Variants in RREB1 observed in about 807,000 individuals in gnomAD.
RREB1 encodes the protein ras responsive element binding protein 1, also known as ras-responsive element-binding protein 1.
Under a neutral mutation model 117.8 loss-of-function variants are expected in RREB1, and 27 were observed. The ratio of observed to expected loss-of-function variants is 0.23; its 90% CI spans 0.17 to 0.32. The LOEUF (loss-of-function observed/expected upper bound fraction) is 0.32. Among genes scored for constraint, RREB1 ranks in the 10% least tolerant of loss-of-function variants. The probability of loss-of-function intolerance (pLI) is 1.00; values close to 1 mark genes in which losing one functional copy is unlikely to be tolerated. For synonymous variants in RREB1, 1,298 were observed against 1,026.7 expected (o/e 1.26, Z -5.05); for missense variants, 2,577 against 2,378.2 (o/e 1.08, Z -1.74).
intron 6 of RREB1, among the ~76,000 whole-genome samples, chr6:7,198,682 A>T (rs929203586): frequency 6.6e-6 from 1 of 152,220 alleles, no homozygotes. Context: ...TGGGTATCAA[A>T]GCAGTTTTCA....
At chr6:7,149,880 G>A (rs1331815665) in intron 1 of RREB1, among the ~76,000 whole-genome samples, 1 of 152,002 alleles carries the variant, frequency 6.6e-6, no homozygotes, top group African/African-American at 2.4e-5. Flanking sequence ...GTAGAGACGG[G>A]GTTTCACCAT....
chr6:7,110,914 T>C (rs968369162), intron 1 of RREB1, among the ~76,000 whole-genome samples: 11 of 152,274 alleles, frequency 7.2e-5, no homozygotes, highest in African/African-American at 2.4e-4. Context: ...AATCAGACTC[T>C]AAGCCCTTAT....
intron 2 of RREB1, among the ~76,000 whole-genome samples, chr6:7,178,498 G>A (rs1353592943): frequency 2.0e-5 from 3 of 152,172 alleles, no homozygotes; most frequent in Non-Finnish European, 2.9e-5. Context: ...GTAGAACAAT[G>A]AGCTCCATTG....
intron 1 of RREB1, among the ~76,000 whole-genome samples, chr6:7,137,070 A>G (rs1163099567): frequency 6.6e-6 from 1 of 152,236 alleles, no homozygotes; most frequent in Non-Finnish European, 1.5e-5. Flanking sequence ...GTCATCACCC[A>G]GGATCTGGCG....
intron 1 of RREB1, among the ~76,000 whole-genome samples, chr6:7,172,532 G>C (rs1764265528): frequency 6.6e-6 from 1 of 152,128 alleles, no homozygotes; most frequent in Admixed American, 6.5e-5. Context: ...ATAGGCATGA[G>C]CCACCATGCC....
intron 1 of RREB1, among the ~76,000 whole-genome samples, chr6:7,127,821 A>T (rs1173352763): frequency 6.6e-6 from 1 of 152,136 alleles, no homozygotes; most frequent in Non-Finnish European, 1.5e-5. Flanking sequence ...CCTGCAGAGC[A>T]TGTGCCCTCA....
intron 4 of RREB1, 48 bp from the exon 5 acceptor site, chr6:7,187,386 G>T (rs773190119): frequency 5.8e-6 from 7 of 1,213,836 alleles, no homozygotes; most frequent in Non-Finnish European, 8.5e-6. Flanking sequence ...AAAGGCACTT[G>T]TTGACTGTGA....
intron 1 of RREB1, among the ~76,000 whole-genome samples, chr6:7,143,550 C>T (rs1323952052): frequency 2.6e-5 from 4 of 152,186 alleles, no homozygotes; most frequent in African/African-American, 9.7e-5. Flanking sequence ...GACCCAGCTC[C>T]TGTTGGAAGA....
chr6:7,178,249 G>A (rs1764607617), intron 2 of RREB1, among the ~76,000 whole-genome samples: 1 of 152,148 alleles, frequency 6.6e-6, no homozygotes, highest in Admixed American at 6.5e-5. Flanking sequence ...AAAAGTCTAG[G>A]ATTGTAAATA....
chr6:7,133,878 A>G (rs1456360323), intron 1 of RREB1, among the ~76,000 whole-genome samples: 1 of 152,202 alleles, frequency 6.6e-6, no homozygotes. Context: ...ATATACACAT[A>G]TTACAAAAAT....
chr6:7,134,271 G>A (rs916612878), intron 1 of RREB1, among the ~76,000 whole-genome samples: 4 of 152,204 alleles, frequency 2.6e-5, no homozygotes, highest in Admixed American at 6.5e-5. Context: ...CCCCAAACCC[G>A]TGAGGGTTAC....
At position 7,230,379 on chromosome 6, in the gene RREB1, G is replaced by C; in HGVS notation, c.2280G>C (p.Glu760Asp). The change falls in exon 10 of 13, where the codon GAG becomes GAC. Residue 760 changes from glutamate (E) to aspartate (D), a missense_variant. Physicochemically the swap from Glu to Asp is conservative, Grantham distance 45. Coordinates refer to ENST00000379938, the MANE Select transcript of RREB1 (RefSeq NM_001003699.4). ...APDTVCRLCG[E>D]DLKHYRALRI... The stretch of plus-strand genomic sequence containing the variant: ...ACACCGTGTGCCGGCTGTGCGGCGA[G>C]GACCTCAAGCACTATCGTGCCCTGC... 1 of 1,592,640 alleles carries C rather than the reference G, an allele frequency of 6.3e-7. No individual in the cohort carries two copies. The highest frequency in any genetic ancestry group is 8.5e-7 in the Non-Finnish European group (1 of 1,174,378).
rs1767593944 is a variant in RREB1 at position 7,226,496 on chromosome 6, C to T, written c.737C>T (p.Thr246Ile). The T allele has an allele frequency of 6.2e-7, 1 of 1,613,272 alleles. No homozygotes were observed. The highest frequency in any genetic ancestry group is 8.5e-7 in the Non-Finnish European group (1 of 1,179,626). The change falls in exon 9 of 13, where the codon ACA (threonine) becomes ATA (isoleucine). Residue 246 changes from threonine (T) to isoleucine (I), a missense_variant. Coordinates refer to ENST00000379938, the MANE Select transcript of RREB1 (RefSeq NM_001003699.4). ...RCDICCVTFR[T>I]HRGLLRHNAL... ...GACATTTGTTGTGTCACCTTTCGAA[C>T]ACATCGAGGACTGCTGCGTCACAAC...
chr6:7,211,733 C>A (rs756896665), intron 8 of RREB1, 24 bp downstream of exon 8: 1 of 1,612,268 alleles, frequency 6.2e-7, no homozygotes, highest in Admixed American at 1.7e-5. Context: ...TGAACTAGAC[C>A]TTGTTCATTC....
intron 6 of RREB1, among the ~76,000 whole-genome samples, chr6:7,194,014 C>T (rs187277693): frequency 4.6e-5 from 7 of 152,242 alleles, no homozygotes; most frequent in African/African-American, 7.2e-5. Flanking sequence ...TGTTATAGAA[C>T]GTTATTTTCA....
At chr6:7,111,511 A>T (rs1330098723) in intron 1 of RREB1, among the ~76,000 whole-genome samples, 1 of 152,234 alleles carries the variant, frequency 6.6e-6, no homozygotes, top group African/African-American at 2.4e-5. Flanking sequence ...GTCATAGGAT[A>T]AGGGTTGCTA....
chr6:7,144,315 T>G (rs75294871), intron 1 of RREB1, among the ~76,000 whole-genome samples: 1 of 152,226 alleles, frequency 6.6e-6, no homozygotes, highest in African/African-American at 2.4e-5. Context: ...AAACCTCACC[T>G]GTACACTGTA....
At chr6:7,179,401 C>T (rs1322664493) in intron 2 of RREB1, among the ~76,000 whole-genome samples, 1 of 152,008 alleles carries the variant, frequency 6.6e-6, no homozygotes, top group African/African-American at 2.4e-5. Context: ...TGGGAGTAGC[C>T]CTCTTTTCTA....
At chr6:7,194,508 G>A (rs1765572431) in intron 6 of RREB1, among the ~76,000 whole-genome samples, 1 of 152,128 alleles carries the variant, frequency 6.6e-6, no homozygotes, top group Non-Finnish European at 1.5e-5. Flanking sequence ...CCGAGATCTT[G>A]CCACTGCACT....
Sources: gnomAD v4.1 joint callset for allele counts (sites outside exome capture counted in the v4.1 genomes callset) on GRCh38, gnomAD v4.1.1 for gene constraint, MANE v1.5 for transcripts, NCBI Gene and HGNC (gene_info 2026-07-23, HGNC 2026-07-21) for gene names.